ARSF: variants seen among roughly 807,000 people sequenced by gnomAD.
ARSF encodes the protein arylsulfatase F.
In ARSF, 33 loss-of-function variants were observed where a neutral mutation model predicts 35.4. That is an observed-to-expected ratio of 0.93 (90% CI 0.71 to 1.25). The LOEUF is 1.25. Ranked by LOEUF, ARSF falls within the 50% of genes most tolerant of loss-of-function variation. The pLI, the probability that ARSF is intolerant of heterozygous loss-of-function variation, is 0.00. For missense variants in ARSF, 501 were observed against 480.2 expected, an observed-to-expected ratio of 1.04 and a Z score of -0.40; for synonymous variants, 222 against 193.1, an observed-to-expected ratio of 1.15 and a Z score of -1.24.
At chrX:3,069,063 A>C (rs907933346) in intron 2 of ARSF, among the ~76,000 whole-genome samples, 2 of 111,698 alleles carry the variant, frequency 1.8e-5, no homozygotes, top group African/African-American at 6.5e-5. Flanking sequence ...AATAATCCAC[A>C]TGTCCAATAT....
At chrX:3,061,609 T>C (rs2090042135) in intron 1 of ARSF, among the ~76,000 whole-genome samples, 1 of 110,667 alleles carries the variant, frequency 9.0e-6, no homozygotes, top group Admixed American at 9.7e-5. Context: ...GAGGAAGATC[T>C]ACCAAGCAAA....
chrX:3,044,532 T>C lies in ARSF; in HGVS notation c.-29+2869T>C, dbSNP rs1418364365. 2.8e-4 allele frequency among the ~76,000 whole-genome samples: 31 copies of C among 110,880 alleles called. 1 individual carries two copies. Among genetic ancestry groups the C allele is most frequent in the East Asian group, 8.6e-4 (3 of 3,507 alleles). Reference sequence around the variant, plus strand: ...AAGATGATGAATGTGGAGGACTTTATTGAGCAGTGGAAGTGGCTCTTGGTG... The same window carrying C: ...AAGATGATGAATGTGGAGGACTTTACTGAGCAGTGGAAGTGGCTCTTGGTG... On this transcript the variant is annotated intron_variant, in intron 1 of 10. Coordinates refer to ENST00000381127, the MANE Select transcript of ARSF (RefSeq NM_001201539.2).
At chrX:3,107,123 A>G (rs1213530493) in intron 9 of ARSF, among the ~76,000 whole-genome samples, 1 of 112,019 alleles carries the variant, frequency 8.9e-6, no homozygotes, top group African/African-American at 3.2e-5. Context: ...GTCTGTACAT[A>G]TTCAGTACAA....
In ARSF at chrX:3,066,538, G is replaced by A. The variant is rs138484968; in HGVS notation, c.-28-1535G>A. ...AAACAGCCAGTCTTAATTCTGGTGC[G>A]ATGAATGGCTTTGGTGGTCGTCCCA... On this transcript the variant is annotated intron_variant, in intron 1 of 10. Coordinates refer to ENST00000381127, the MANE Select transcript of ARSF (RefSeq NM_001201539.2). 3.0e-4 allele frequency among the ~76,000 whole-genome samples: 34 copies of A among 112,235 alleles called. No individual in the cohort carries two copies. In the East Asian group the frequency reaches 9.3e-3, roughly 31 times the overall value.
intron 4 of ARSF, among the ~76,000 whole-genome samples, chrX:3,077,789 T>TTTATTA (rs760984034): frequency 0.034 from 3,138 of 92,183 alleles, 74 homozygotes; most frequent in African/African-American, 0.07. Context: ...TTTTATTTTA[T>TTTATTA]TTATTATTAT....
intron 7 of ARSF, 150 bp downstream of exon 7, chrX:3,089,782 A>G: frequency 1.7e-6 from 1 of 587,150 alleles, no homozygotes; most frequent in South Asian, 3.9e-5. Flanking sequence ...AGTTGCTAGC[A>G]ATTGAGAAAG....
chrX:3,093,784 T>A (rs1240057990), intron 7 of ARSF, among the ~76,000 whole-genome samples: 1 of 111,780 alleles, frequency 8.9e-6, no homozygotes, highest in Non-Finnish European at 1.9e-5. Flanking sequence ...AGAGGGTAGT[T>A]CTGTTTTAAG....
rs1239547744 is a variant in ARSF at position 3,080,916 on chromosome X, T to C, written c.309T>C (p.Arg103=). Residue 103 remains arginine (R), a synonymous_variant, in exon 5 of 11, where the codon CGT becomes CGC. Coordinates refer to ENST00000381127, the MANE Select transcript of ARSF (RefSeq NM_001201539.2). ...RSGMVSSGNR[R]VIQNLAVPAG... is the part of the protein sequence containing the mutation. ...GTATGGTTTCTAGTGGTAATAGACG[T>C]GTCATCCAAAATCTTGCAGTCCCCG... 3.3e-6 allele frequency: 4 copies of C among 1,211,782 alleles called. No homozygotes were observed. The highest frequency in any genetic ancestry group is 4.5e-6 in the Non-Finnish European group (4 of 895,421).
intron 6 of ARSF, among the ~76,000 whole-genome samples, chrX:3,088,135 T>C (rs959039206): frequency 8.9e-6 from 1 of 112,061 alleles, no homozygotes; most frequent in African/African-American, 3.2e-5. Context: ...CCTAGTTCCC[T>C]GTATCCTCAT....
Position 3,112,539 on chromosome X carries a change from C to A in ARSF, c.1756C>A (p.Pro586Thr), listed in dbSNP as rs2090454358. ...KEEEVSQPRG[P>T]NEKR ...AGAGGAAGTCTCTCAGCCTCGGGGT[C>A]CTAACGAGAAGAGATAATTACAATC... Residue 586 changes from proline (P) to threonine (T), a missense_variant, in exon 11 of 11, where the codon CCT (proline) becomes ACT (threonine). Transcript: ENST00000381127. 8.3e-7 allele frequency: 1 copy of A among 1,201,387 alleles called. No individual in the cohort carries two copies. Among genetic ancestry groups the A allele is most frequent in the Admixed American group, 2.2e-5 (1 of 45,016 alleles).
At chrX:3,053,383 C>T (rs1417186702) in intron 1 of ARSF, among the ~76,000 whole-genome samples, 2 of 98,086 alleles carry the variant, frequency 2.0e-5, no homozygotes, top group African/African-American at 7.6e-5. Context: ...GGGTGAAGTA[C>T]AGTGGTGTGA....
intron 1 of ARSF, among the ~76,000 whole-genome samples, chrX:3,056,759 C>G (rs1024071646): frequency 9.0e-6 from 1 of 111,653 alleles, no homozygotes; most frequent in African/African-American, 3.3e-5. Flanking sequence ...TTCTTGTAGA[C>G]AGGCCGACTG....
At position 3,110,224 on chromosome X, in the gene ARSF, CGCCGT is replaced by C; in HGVS notation, c.1365_1369del (p.Arg457AspfsTer70). On this transcript the variant is annotated frameshift_variant, in exon 10 of 11. Coordinates refer to ENST00000381127, the MANE Select transcript of ARSF (RefSeq NM_001201539.2). LOFTEE classifies it low-confidence loss of function (END_TRUNC). ...TCCACTACTGTGGCTCCTACCTGCACGCCGTGCGGTGGATCCCCAAGGACGACAGT... is the reference window on the plus strand; with the variant it reads ...TCCACTACTGTGGCTCCTACCTGCACGCGGTGGATCCCCAAGGACGACAGT... The C allele has an allele frequency of 8.4e-7, 1 of 1,194,271 alleles. No individual in the cohort carries two copies. The highest frequency in any genetic ancestry group is 1.1e-6 in the Non-Finnish European group (1 of 886,141).
Position 3,112,682 on chromosome X carries a change from A to C in ARSF, c.*126A>C, listed in dbSNP as rs1282126519. 7 of 975,611 alleles carry C rather than the reference A, an allele frequency of 7.2e-6. No homozygotes were observed. In the African/African-American group the frequency reaches 1.2e-4, roughly 16 times the overall value. The allele number at this position is 975,611 out of a possible 1,213,427, so 80.4% of individuals were successfully genotyped here. On this transcript the variant is annotated 3_prime_UTR_variant, in exon 11 of 11. Transcript: ENST00000381127. ...CAAGGAGTGCATTTAATAGTCAATA[A>C]ATTCATCTACCATTCCAGATTATTA...
intron 6 of ARSF, 61 bp from the exon 7 acceptor site, chrX:3,089,435 A>G: frequency 2.6e-6 from 3 of 1,167,397 alleles, no homozygotes; most frequent in Non-Finnish European, 3.5e-6. Context: ...AAGCCAAAAC[A>G]ATAGTTTTCA....
intron 1 of ARSF, among the ~76,000 whole-genome samples, chrX:3,059,246 T>C (rs1229037198): frequency 9.0e-6 from 1 of 111,580 alleles, no homozygotes; most frequent in Non-Finnish European, 1.9e-5. Context: ...GTGGATCACC[T>C]GAGATCAGGA....
intron 1 of ARSF, among the ~76,000 whole-genome samples, chrX:3,052,253 T>A (rs1192652616): frequency 8.9e-6 from 1 of 111,993 alleles, no homozygotes; most frequent in Non-Finnish European, 1.9e-5. Context: ...TATGCCTCGC[T>A]GTATTTAAGC....
At chrX:3,079,405 G>A (rs1266228035) in intron 4 of ARSF, among the ~76,000 whole-genome samples, 1 of 103,861 alleles carries the variant, frequency 9.6e-6, no homozygotes, top group Non-Finnish European at 2.0e-5. Flanking sequence ...GAGTGCAATG[G>A]CGCAATCTCG....
At chrX:3,105,496 G>A (rs946816872) in intron 9 of ARSF, among the ~76,000 whole-genome samples, 12 of 111,604 alleles carry the variant, frequency 1.1e-4, no homozygotes, top group East Asian at 2.8e-4. Flanking sequence ...ACAGAGTTTC[G>A]TTCTGTTGCC....
Sources: allele counts gnomAD v4.1 joint callset (sites outside exome capture counted in the v4.1 genomes callset), GRCh38; gene constraint gnomAD v4.1.1; transcripts MANE v1.5; gene names NCBI Gene and HGNC (gene_info 2026-07-23, HGNC 2026-07-21).